NAV3: variants seen among roughly 807,000 people sequenced by gnomAD.
The protein encoded by NAV3 is pore membrane and/or filament interacting like protein 1.
A neutral mutation model predicts 244.7 loss-of-function variants in NAV3; 87 were observed. That is an observed-to-expected ratio of 0.36 (90% CI 0.30 to 0.42). The LOEUF (loss-of-function observed/expected upper bound fraction) is 0.42. Among genes scored for constraint, NAV3 ranks in the 20% least tolerant of loss-of-function variants. The pLI is 1.00. For missense variants in NAV3, 2,663 were observed against 2,893.3 expected, an observed-to-expected ratio of 0.92 and a Z score of 1.83; for synonymous variants, 1,126 against 1,042.2, an observed-to-expected ratio of 1.08 and a Z score of -1.55.
chr12:77,603,188 C>T (rs192872535), intron 2 of NAV3, among the ~76,000 whole-genome samples: 3 of 152,026 alleles, frequency 2.0e-5, no homozygotes, highest in Non-Finnish European at 4.4e-5. Context: ...TTAGGTTTAC[C>T]CATAAGCACG....
intron 1 of NAV3, among the ~76,000 whole-genome samples, chr12:77,897,654 T>C (rs1308998215): frequency 6.6e-6 from 1 of 152,068 alleles, no homozygotes; most frequent in Admixed American, 6.6e-5. Context: ...GTTGTACCTA[T>C]AGTCTCTATT....
At chr12:77,724,769 T>C (rs1044945244) in intron 2 of NAV3, among the ~76,000 whole-genome samples, 1 of 152,022 alleles carries the variant, frequency 6.6e-6, no homozygotes, top group African/African-American at 2.4e-5. Context: ...AATAGCATTA[T>C]ATGAAATATT....
intron 18 of NAV3, among the ~76,000 whole-genome samples, chr12:78,133,915 G>A (rs1371276002): frequency 6.6e-6 from 1 of 152,276 alleles, no homozygotes; most frequent in East Asian, 1.9e-4. Flanking sequence ...TTTCTAAATA[G>A]AAGAGAAACA....
At chr12:78,083,274 A>G (rs1482177351) in intron 12 of NAV3, among the ~76,000 whole-genome samples, 1 of 152,160 alleles carries the variant, frequency 6.6e-6, no homozygotes, top group Non-Finnish European at 1.5e-5. Flanking sequence ...GAGTAGGTTG[A>G]TACATTCATG....
At chr12:77,755,607 CTCCCTCCTTCCT>C (rs1341862190) in intron 2 of NAV3, among the ~76,000 whole-genome samples, 1 of 58,248 alleles carries the variant, frequency 1.7e-5, no homozygotes, top group Non-Finnish European at 3.5e-5. Context: ...CCCTCCCTCC[CTCCCTCCTTCCT>C]TCCTTCCTTC....
rs747688476 is a variant in NAV3 at position 77,699,503 on chromosome 12, A to G, written c.72+127237A>G. On this transcript the variant is annotated intron_variant, in intron 2 of 8. Transcript: ENST00000550042. ...ATGGTAGGGATGTCTTGTCTCTATGATATCTGGGGCCTAAGCTGAAAAGAC... is the reference window on the plus strand; with the variant it reads ...ATGGTAGGGATGTCTTGTCTCTATGGTATCTGGGGCCTAAGCTGAAAAGAC... Among the ~76,000 whole-genome samples the G allele has an allele frequency of 4.9e-4, 75 of 152,054 alleles. 1 individual carries two copies. Among genetic ancestry groups the G allele is most frequent in the Non-Finnish European group, 1.5e-4 (10 of 68,002 alleles).
At chr12:78,013,152 T>C (rs1015276986) in intron 8 of NAV3, among the ~76,000 whole-genome samples, 1 of 152,166 alleles carries the variant, frequency 6.6e-6, no homozygotes, top group African/African-American at 2.4e-5. Flanking sequence ...CATTCACTTA[T>C]TTTTTATCTT....
chr12:78,062,115 A>G (rs1228395825), intron 12 of NAV3, among the ~76,000 whole-genome samples: 1 of 152,152 alleles, frequency 6.6e-6, no homozygotes, highest in East Asian at 1.9e-4. Flanking sequence ...AAGTAATTAC[A>G]TGTTTACATG....
chr12:77,836,238 A>G (rs79531370), intron 1 of NAV3, among the ~76,000 whole-genome samples: 2,774 of 152,296 alleles, frequency 0.018, 77 homozygotes, highest in African/African-American at 0.062. Context: ...TAAGCATTAA[A>G]CATCCCTGTT....
At chr12:77,699,853 T>G (rs1875483803) in intron 2 of NAV3, among the ~76,000 whole-genome samples, 2 of 151,820 alleles carry the variant, frequency 1.3e-5, no homozygotes, top group Middle Eastern at 3.4e-3. Context: ...CTCCATAGAT[T>G]GAAGGAGTCT....
chr12:77,644,170 T>C (rs933031154), intron 2 of NAV3, among the ~76,000 whole-genome samples: 12 of 152,068 alleles, frequency 7.9e-5, no homozygotes, highest in African/African-American at 2.9e-4. Flanking sequence ...CCCACAATTC[T>C]TGGGGCTCCA....
Position 77,940,302 on chromosome 12 carries a change from TTC to T in NAV3, c.244-11_244-10del. ...TCCCTCACCCCATCTCACTTTTTCC[TTC>T]TCTCTGTTCAACAGATTTACACTGA... On this transcript the variant is annotated splice_polypyrimidine_tract_variant and intron_variant, in intron 1 of 39. Transcript: ENST00000397909. 1 of 1,593,960 alleles carries T rather than the reference TTC, an allele frequency of 6.3e-7. No individual in the cohort carries two copies. The highest frequency in any genetic ancestry group is 1.7e-4 in the Middle Eastern group (1 of 5,982).
At chr12:77,644,662 C>G (rs537396430) in intron 2 of NAV3, among the ~76,000 whole-genome samples, 4 of 152,114 alleles carry the variant, frequency 2.6e-5, no homozygotes, top group Non-Finnish European at 5.9e-5. Flanking sequence ...CTTTTCCTGT[C>G]TGAAATTTAC....
chr12:78,175,516 G>C, intron 25 of NAV3, 89 bp downstream of exon 25: 7 of 1,496,098 alleles, frequency 4.7e-6, no homozygotes, highest in Non-Finnish European at 5.4e-6. Flanking sequence ...ATCTGCAGTA[G>C]TTTACAAAGG....
intron 2 of NAV3, among the ~76,000 whole-genome samples, chr12:77,699,838 C>T (rs1875483421): frequency 6.7e-6 from 1 of 149,858 alleles, no homozygotes; most frequent in Admixed American, 6.7e-5. Flanking sequence ...GTCACCTCTA[C>T]AGCACTCCAT....
In NAV3 at chr12:78,015,821, T is replaced by C. The variant is rs1876102443; in HGVS notation, c.1908-5926T>C. Among the ~76,000 whole-genome samples the C allele has an allele frequency of 2.0e-5, 3 of 152,156 alleles. No individual in the cohort carries two copies. In the South Asian group the frequency reaches 6.2e-4, roughly 32 times the overall value. Reference sequence around the variant, plus strand: ...AATGTCAATAATTAATGACAACTGGTTTTCTAATTCCATCCTGTCTTCTGC... The same window carrying C: ...AATGTCAATAATTAATGACAACTGGCTTTCTAATTCCATCCTGTCTTCTGC... On this transcript the variant is annotated intron_variant, in intron 8 of 39. Transcript: ENST00000397909.
At chr12:77,783,942 G>A (rs1340113636) in intron 2 of NAV3, among the ~76,000 whole-genome samples, 1 of 152,096 alleles carries the variant, frequency 6.6e-6, no homozygotes, top group Admixed American at 6.6e-5. Flanking sequence ...TAAAATTATA[G>A]TGAGTAAAAG....
intron 16 of NAV3, 121 bp from the exon 17 acceptor site, chr12:78,127,046 A>T (rs1192510708): frequency 2.4e-6 from 2 of 834,796 alleles, no homozygotes; most frequent in East Asian, 2.6e-5. Context: ...CAATGAGTTA[A>T]GCATTATATG....
At chr12:77,676,978 T>A (rs1283601104) in intron 2 of NAV3, among the ~76,000 whole-genome samples, 1 of 152,166 alleles carries the variant, frequency 6.6e-6, no homozygotes, top group Non-Finnish European at 1.5e-5. Context: ...TAGATAGACA[T>A]GATAATTAGA....
Sources: gnomAD v4.1 joint callset for allele counts (sites outside exome capture counted in the v4.1 genomes callset) on GRCh38, gnomAD v4.1.1 for gene constraint, MANE v1.5 for transcripts, NCBI Gene and HGNC (gene_info 2026-07-23, HGNC 2026-07-21) for gene names.